The following USP37 variants were observed in gnomAD, a reference collection of about 807,000 sequenced individuals.
USP37 encodes ubiquitin specific peptidase 37.
USP37 carries 27 observed loss-of-function variants against 124.0 expected under a neutral mutation model. That is an observed-to-expected ratio of 0.22 (90% CI 0.16 to 0.30). The LOEUF (loss-of-function observed/expected upper bound fraction) is 0.30. Ranked by LOEUF, USP37 falls within the 10% of genes least tolerant of loss-of-function variation. The pLI, the probability that USP37 is intolerant of heterozygous loss-of-function variation, is 1.00. For missense variants in USP37, 889 were observed against 1,140.4 expected (o/e 0.78, Z 3.17); for synonymous variants, 365 against 388.0 (o/e 0.94, Z 0.70).
At chr2:218,555,628 G>A (rs1476541660) in intron 4 of USP37, among the ~76,000 whole-genome samples, 2 of 151,984 alleles carry the variant, frequency 1.3e-5, no homozygotes, top group African/African-American at 2.4e-5. Flanking sequence ...CTTGAACTTC[G>A]ACACTTCAAC....
At chr2:218,489,862 G>T (rs1559180934) in intron 14 of USP37, among the ~76,000 whole-genome samples, 1 of 152,150 alleles carries the variant, frequency 6.6e-6, no homozygotes, top group Non-Finnish European at 1.5e-5. Context: ...TATGCAATAT[G>T]TTTTCTTTTA....
intron 4 of USP37, among the ~76,000 whole-genome samples, chr2:218,555,956 T>A (rs973941726): frequency 2.0e-5 from 3 of 152,170 alleles, no homozygotes; most frequent in Non-Finnish European, 4.4e-5. Flanking sequence ...TTTCCTCTTC[T>A]TGCTTACTCC....
chr2:218,467,401 T>A (rs1289989650), intron 20 of USP37, among the ~76,000 whole-genome samples: 1 of 151,932 alleles, frequency 6.6e-6, no homozygotes, highest in African/African-American at 2.4e-5. Context: ...CAGGCTGGAG[T>A]GCAGTGGCGC....
chr2:218,553,422 G>A, intron 5 of USP37, 131 bp downstream of exon 5: 1 of 809,938 alleles, frequency 1.2e-6, no homozygotes. Flanking sequence ...TGAATTTCAG[G>A]AATAAATCTT....
rs576408055 is a variant in USP37, at chr2:218,497,605, G to T, written c.1281+129C>A. 6.9e-5 allele frequency: 79 copies of T among 1,139,188 alleles called. No individual in the cohort carries two copies. In the East Asian group the frequency reaches 1.4e-3, roughly 20 times the overall value. The allele number at this position is 1,139,188 out of a possible 1,614,324, so 70.6% of individuals were successfully genotyped here. On this transcript the variant is annotated intron_variant, in intron 13 of 25. Coordinates refer to ENST00000258399, the MANE Select transcript of USP37 (RefSeq NM_020935.3). ...CACAGGGTTTCGCCATGTTGGCCAG[G>T]CTGGTCTCAAACTCCTGACCTCAGT... is the stretch of plus-strand genomic sequence containing the variant.
At chr2:218,528,745 T>C (rs1691124671) in intron 10 of USP37, 1 of 360,908 alleles carries the variant, frequency 2.8e-6, no homozygotes, top group Non-Finnish European at 5.0e-6. Flanking sequence ...CACTGCATGA[T>C]CACATGTTCT....
chr2:218,480,975 A>G (rs545650614), intron 17 of USP37, among the ~76,000 whole-genome samples: 7 of 152,346 alleles, frequency 4.6e-5, no homozygotes, highest in South Asian at 2.1e-4. Context: ...CACTAACTGT[A>G]TGACTTTAGG....
chr2:218,484,721 C>T (rs570929733), intron 16 of USP37, among the ~76,000 whole-genome samples: 2 of 151,740 alleles, frequency 1.3e-5, no homozygotes, highest in South Asian at 2.1e-4. Flanking sequence ...GAACTAGTCT[C>T]TAGGGGCTAG....
intron 20 of USP37, among the ~76,000 whole-genome samples, chr2:218,471,097 G>A (rs1260922491): frequency 6.6e-6 from 1 of 152,220 alleles, no homozygotes; most frequent in African/African-American, 2.4e-5. Context: ...GTAGTCCTGA[G>A]TTTGAGGAAA....
At chr2:218,560,017 T>G (rs1389264275) in intron 3 of USP37, among the ~76,000 whole-genome samples, 3 of 151,890 alleles carry the variant, frequency 2.0e-5, no homozygotes, top group Non-Finnish European at 4.4e-5. Flanking sequence ...CACAAAAAAC[T>G]TAAACTTACA....
At chr2:218,518,798 T>C (rs1268188131) in intron 10 of USP37, among the ~76,000 whole-genome samples, 1 of 151,412 alleles carries the variant, frequency 6.6e-6, no homozygotes, top group East Asian at 1.9e-4. Context: ...GGTGATGTTG[T>C]ATTTCTTCTT....
chr2:218,494,890 G>A (rs1040205782), intron 14 of USP37, among the ~76,000 whole-genome samples: 8 of 151,734 alleles, frequency 5.3e-5, no homozygotes, highest in Non-Finnish European at 7.4e-5. Flanking sequence ...ATTCAAATTC[G>A]GATCTATTTT....
At chr2:218,539,953 TG>T (rs896417827) in intron 8 of USP37, among the ~76,000 whole-genome samples, 3 of 151,984 alleles carry the variant, frequency 2.0e-5, no homozygotes, top group Admixed American at 2.0e-4. Flanking sequence ...GAGGTTGCAA[TG>T]AGCCAAGATC....
At chr2:218,483,297 T>TG (rs112804822) in intron 16 of USP37, among the ~76,000 whole-genome samples, 3 of 151,372 alleles carry the variant, frequency 2.0e-5, no homozygotes, top group South Asian at 2.1e-4. Flanking sequence ...CAGTAAAAGG[T>TG]GGGGGGGAAG....
chr2:218,547,097 A>G lies in USP37; in HGVS notation c.430-6T>C. The G allele has an allele frequency of 1.3e-6, 2 of 1,587,754 alleles. No individual in the cohort carries two copies. Among genetic ancestry groups the G allele is most frequent in the South Asian group, 2.3e-5 (2 of 86,078 alleles). On this transcript the variant is annotated splice_region_variant and splice_polypyrimidine_tract_variant and intron_variant, in intron 6 of 25. Coordinates refer to ENST00000258399, the MANE Select transcript of USP37 (RefSeq NM_020935.3). ...CTTCCTCTTTTTGCAGAAGCCTGTA[A>G]AAATAAAGTTTGAGATAGTTAAATC...
At chr2:218,555,577 C>T (rs1366768079) in intron 4 of USP37, among the ~76,000 whole-genome samples, 1 of 152,042 alleles carries the variant, frequency 6.6e-6, no homozygotes, top group Non-Finnish European at 1.5e-5. Context: ...ATTAAATATA[C>T]AAAGCAAAGT....
intron 22 of USP37, among the ~76,000 whole-genome samples, chr2:218,460,777 C>T (rs1422719980): frequency 1.3e-5 from 2 of 151,832 alleles, no homozygotes; most frequent in South Asian, 2.1e-4. Context: ...TCCTTCTCTA[C>T]TAAAAATACA....
intron 16 of USP37, among the ~76,000 whole-genome samples, chr2:218,482,788 T>G (rs1337785888): frequency 6.6e-6 from 1 of 152,194 alleles, no homozygotes; most frequent in Non-Finnish European, 1.5e-5. Flanking sequence ...AAAATTTGCA[T>G]GCCAAATCTG....
chr2:218,560,006 A>G (rs186212769), intron 3 of USP37, among the ~76,000 whole-genome samples: 1 of 152,048 alleles, frequency 6.6e-6, no homozygotes, highest in African/African-American at 2.4e-5. Flanking sequence ...CAAAAAAAAA[A>G]CACAAAAAAC....
Sources: allele counts gnomAD v4.1 joint callset (sites outside exome capture counted in the v4.1 genomes callset), GRCh38; gene constraint gnomAD v4.1.1; transcripts MANE v1.5; gene names NCBI Gene and HGNC (gene_info 2026-07-23, HGNC 2026-07-21).